The following SPMIP10 variants were observed in gnomAD, a reference collection of about 807,000 sequenced individuals.
The protein encoded by SPMIP10 is sperm-associated microtubule inner protein 10.
At chr5:126,632,407 T>C in the SPMIP10 span, 2 of 584,934 alleles carry the variant, frequency 3.4e-6, no homozygotes, top group South Asian at 2.2e-5. Context: ...ATCTTTTAGC[T>C]GAGTTTCAAT....
the SPMIP10 span, chr5:126,631,774 C>T: frequency 1.2e-6 from 2 of 1,612,552 alleles, no homozygotes; most frequent in Admixed American, 1.7e-5. Context: ...TTTGCCTAAA[C>T]TCACTAACAA....
At chr5:126,632,267 A>T in the SPMIP10 span, among the ~76,000 whole-genome samples, 1 of 130,706 alleles carries the variant, frequency 7.7e-6, no homozygotes, top group African/African-American at 3.4e-5. Flanking sequence ...TTAAAAAAAA[A>T]AAAAAAAAAA....
chr5:126,633,879 G>A, the SPMIP10 span, among the ~76,000 whole-genome samples: 2 of 150,278 alleles, frequency 1.3e-5, no homozygotes, highest in African/African-American at 5.0e-5. Context: ...GGTCCAGGCT[G>A]GTCTCCTGGG....
chr5:126,634,928 G>A, the SPMIP10 span, among the ~76,000 whole-genome samples: 1 of 151,934 alleles, frequency 6.6e-6, no homozygotes, highest in South Asian at 2.1e-4. Flanking sequence ...ATCTTAGCAC[G>A]TTGGGAGGCT....
chr5:126,632,379 A>G, the SPMIP10 span, among the ~76,000 whole-genome samples: 1 of 151,618 alleles, frequency 6.6e-6, no homozygotes, highest in Admixed American at 6.6e-5. Context: ...TTGCTGATAC[A>G]TGGGTACTTA....
chr5:126,634,034 C>G, the SPMIP10 span, among the ~76,000 whole-genome samples: 4 of 152,284 alleles, frequency 2.6e-5, no homozygotes, highest in African/African-American at 9.6e-5. Flanking sequence ...ATAGTGAGAC[C>G]ATTCTTCAAA....
At chr5:126,636,120 G>A in the SPMIP10 span, 414 of 1,614,008 alleles carry the variant, frequency 2.6e-4, 2 homozygotes, top group Non-Finnish European at 2.4e-4. Context: ...GGGGAAGATC[G>A]TAAAGTTGTC....
At chr5:126,634,302 C>T in the SPMIP10 span, among the ~76,000 whole-genome samples, 1 of 152,132 alleles carries the variant, frequency 6.6e-6, no homozygotes, top group Admixed American at 6.5e-5. Flanking sequence ...CATGATGGCA[C>T]ATGCCTGTAA....
At chr5:126,636,211 T>C in the SPMIP10 span, 1 of 1,614,150 alleles carries the variant, frequency 6.2e-7, no homozygotes, top group Non-Finnish European at 8.5e-7. Context: ...GCACTGTGAT[T>C]TCCCATGGCT....
the SPMIP10 span, among the ~76,000 whole-genome samples, chr5:126,632,258 TAAAAAAAA>T: frequency 0.098 from 5,575 of 57,132 alleles, 319 homozygotes; most frequent in African/African-American, 0.21. Context: ...TCCATCTCAT[TAAAAAAAA>T]AAAAAAAAAA....
chr5:126,632,372 C>T, the SPMIP10 span, among the ~76,000 whole-genome samples: 2 of 150,168 alleles, frequency 1.3e-5, no homozygotes, highest in East Asian at 3.9e-4. Flanking sequence ...CTTGATCTTG[C>T]TGATACATGG....
the SPMIP10 span, chr5:126,631,913 G>A: frequency 2.3e-3 from 1,810 of 782,714 alleles, 20 homozygotes; most frequent in African/African-American, 0.027. Context: ...GTTCCCCTTT[G>A]GCATCTATAC....
At chr5:126,636,015 A>G in the SPMIP10 span, 2 of 1,594,690 alleles carry the variant, frequency 1.3e-6, no homozygotes, top group Non-Finnish European at 1.7e-6. Context: ...TACACAGAAG[A>G]TTTTCTTTTC....
At chr5:126,633,022 T>TATATATATATATATATATATATATATAA in the SPMIP10 span, among the ~76,000 whole-genome samples, 4 of 145,668 alleles carry the variant, frequency 2.7e-5, no homozygotes, top group African/African-American at 1.0e-4. Flanking sequence ...TATATATATA[T>TATATATATATATATATATATATATATAA]ATATATATAT....
At chr5:126,636,058 T>G in the SPMIP10 span, 2 of 1,614,044 alleles carry the variant, frequency 1.2e-6, no homozygotes, top group Non-Finnish European at 1.7e-6. Flanking sequence ...GGATCCATAC[T>G]GGCCCTTTAG....
chr5:126,632,267 A>C, the SPMIP10 span, among the ~76,000 whole-genome samples: 47 of 130,774 alleles, frequency 3.6e-4, no homozygotes, highest in African/African-American at 1.4e-3. Flanking sequence ...TTAAAAAAAA[A>C]AAAAAAAAAA....
chr5:126,634,048 T>G, the SPMIP10 span, among the ~76,000 whole-genome samples: 1 of 152,186 alleles, frequency 6.6e-6, no homozygotes, highest in South Asian at 2.1e-4. Context: ...CTTCAAAAAA[T>G]TAAACATAGA....
chr5:126,634,801 C>A, the SPMIP10 span, among the ~76,000 whole-genome samples: 3 of 152,140 alleles, frequency 2.0e-5, no homozygotes, highest in African/African-American at 7.2e-5. Flanking sequence ...TAAATGCTAA[C>A]TTATGCTTTC....
chr5:126,633,845 G>C, the SPMIP10 span, among the ~76,000 whole-genome samples: 2 of 148,766 alleles, frequency 1.3e-5, no homozygotes, highest in Non-Finnish European at 2.9e-5. Flanking sequence ...GGTATTTTTT[G>C]TAGAGATGGG....
Sources: allele counts gnomAD v4.1 joint callset (sites outside exome capture counted in the v4.1 genomes callset), GRCh38; gene constraint gnomAD v4.1.1; transcripts MANE v1.5; gene names NCBI Gene and HGNC (gene_info 2026-07-23, HGNC 2026-07-21).